The following KCNH8 variants were observed in gnomAD, a reference collection of about 807,000 sequenced individuals.
The protein encoded by KCNH8 is voltage-gated delayed rectifier potassium channel KCNH8.
Under a neutral mutation model 103.6 loss-of-function variants are expected in KCNH8, and 70 were observed. The observed-to-expected ratio is 0.68, with a 90% CI of 0.56 to 0.82. The LOEUF (loss-of-function observed/expected upper bound fraction) is 0.82, where lower values mean the gene tolerates loss of function less well. Among genes scored for constraint, KCNH8 ranks in the 40% least tolerant of loss-of-function variants. The pLI is 0.00. For missense variants in KCNH8, 1,217 were observed against 1,329.9 expected, an observed-to-expected ratio of 0.92 and a Z score of 1.32; for synonymous variants, 498 against 489.4, an observed-to-expected ratio of 1.02 and a Z score of -0.23.
chr3:19,389,784 T>C (rs918135449), intron 5 of KCNH8, among the ~76,000 whole-genome samples: 1 of 152,024 alleles, frequency 6.6e-6, no homozygotes, highest in Non-Finnish European at 1.5e-5. Flanking sequence ...TGTGCCAGTA[T>C]GCCCAGCTAA....
At chr3:19,209,503 A>AT (rs1257833455) in intron 1 of KCNH8, among the ~76,000 whole-genome samples, 2 of 152,002 alleles carry the variant, frequency 1.3e-5, no homozygotes, top group Non-Finnish European at 2.9e-5. Context: ...AGTCTTTGGG[A>AT]TTTTCGTAGG....
chr3:19,406,544 G>A (rs1306068793), intron 7 of KCNH8, among the ~76,000 whole-genome samples: 1 of 152,034 alleles, frequency 6.6e-6, no homozygotes, highest in Non-Finnish European at 1.5e-5. Flanking sequence ...TAAGACTTCT[G>A]TCATTTGGGC....
chr3:19,520,804 C>T (rs927785761), intron 15 of KCNH8, among the ~76,000 whole-genome samples: 11 of 151,868 alleles, frequency 7.2e-5, no homozygotes, highest in East Asian at 3.9e-4. Context: ...GGTGTCAGAG[C>T]GCTGCAGAAT....
chr3:19,157,945 C>T (rs1392871578), intron 1 of KCNH8, among the ~76,000 whole-genome samples: 1 of 151,586 alleles, frequency 6.6e-6, no homozygotes, highest in Admixed American at 6.6e-5. Context: ...ATAAATTTCC[C>T]TGTTATGATA....
intron 7 of KCNH8, among the ~76,000 whole-genome samples, chr3:19,413,840 G>A (rs2066821563): frequency 6.6e-6 from 1 of 152,034 alleles, no homozygotes; most frequent in Admixed American, 6.6e-5. Context: ...TCTTGTTGCA[G>A]CCTTTCACAT....
intron 8 of KCNH8, among the ~76,000 whole-genome samples, chr3:19,442,019 G>A (rs899996284): frequency 6.6e-6 from 1 of 152,186 alleles, no homozygotes; most frequent in Non-Finnish European, 1.5e-5. Context: ...AGGAAGTTCA[G>A]AAGCAGTGAG....
intron 1 of KCNH8, among the ~76,000 whole-genome samples, chr3:19,212,435 C>T (rs965666956): frequency 2.0e-5 from 3 of 152,134 alleles, no homozygotes; most frequent in Non-Finnish European, 4.4e-5. Flanking sequence ...GGTTGATGTC[C>T]TCTTTGGCCT....
chr3:19,251,785 C>T (rs1237404877), intron 1 of KCNH8, among the ~76,000 whole-genome samples: 1 of 151,982 alleles, frequency 6.6e-6, no homozygotes, highest in Non-Finnish European at 1.5e-5. Flanking sequence ...AGTGTTTTCC[C>T]ACCTCTGCCT....
chr3:19,197,747 G>A (rs11918147), intron 1 of KCNH8, among the ~76,000 whole-genome samples: 9,762 of 151,560 alleles, frequency 0.064, 1,101 homozygotes, highest in African/African-American at 0.22. Context: ...AATACATGTC[G>A]AGTCCTTACA....
intron 7 of KCNH8, among the ~76,000 whole-genome samples, chr3:19,404,498 A>G (rs1455832859): frequency 7.9e-5 from 12 of 151,898 alleles, no homozygotes; most frequent in East Asian, 5.8e-4. Flanking sequence ...TATGACTTCA[A>G]TCACTGTTTT....
At chr3:19,288,183 T>TC (rs2064862205) in intron 3 of KCNH8, among the ~76,000 whole-genome samples, 2 of 125,272 alleles carry the variant, frequency 1.6e-5, no homozygotes, top group Admixed American at 7.8e-5. Flanking sequence ...TCAAACTTCT[T>TC]TTTTTTTTTT....
At chr3:19,325,890 A>G (rs951770360) in intron 3 of KCNH8, among the ~76,000 whole-genome samples, 1 of 152,194 alleles carries the variant, frequency 6.6e-6, no homozygotes, top group African/African-American at 2.4e-5. Flanking sequence ...ATGCACATGT[A>G]TGTTCATTGA....
intron 11 of KCNH8, among the ~76,000 whole-genome samples, chr3:19,470,455 A>T (rs1292579522): frequency 6.6e-6 from 1 of 152,196 alleles, no homozygotes; most frequent in East Asian, 1.9e-4. Context: ...CTCAGACATC[A>T]GCTCTTCAAT....
chr3:19,448,727 G>T (rs906006794), intron 8 of KCNH8, among the ~76,000 whole-genome samples: 7 of 152,132 alleles, frequency 4.6e-5, no homozygotes, highest in Middle Eastern at 3.4e-3. Context: ...CATTTTGATA[G>T]ATCCTAATAG....
Position 19,450,203 on chromosome 3 carries a change from A to C in KCNH8, c.1473A>C (p.Lys491Asn). Residue 491 changes from lysine (K) to asparagine (N), a missense_variant, in exon 9 of 16, where the codon AAA (lysine) becomes AAC (asparagine). Transcript: ENST00000328405. ...SLYHTRTKDL[K>N]DFIRVHHLPQ... ...ATCACACTAGAACTAAGGATCTGAA[A>C]GATTTCATCCGTGTCCATCACTTGC... 1 of 1,613,726 alleles carries C rather than the reference A, an allele frequency of 6.2e-7. No homozygotes were observed. The highest frequency in any genetic ancestry group is 8.5e-7 in the Non-Finnish European group (1 of 1,179,772).
At chr3:19,265,352 C>T (rs2064493055) in intron 2 of KCNH8, among the ~76,000 whole-genome samples, 2 of 152,088 alleles carry the variant, frequency 1.3e-5, no homozygotes, top group East Asian at 3.9e-4. Context: ...CTAAAAATTT[C>T]AAGACAGCAC....
intron 7 of KCNH8, among the ~76,000 whole-genome samples, chr3:19,407,895 C>T (rs987328161): frequency 2.6e-5 from 4 of 152,112 alleles, no homozygotes; most frequent in African/African-American, 9.7e-5. Flanking sequence ...CATGTAGGCA[C>T]ACTTCTGGGT....
chr3:19,471,895 A>G (rs1320517158), intron 11 of KCNH8, among the ~76,000 whole-genome samples: 4 of 152,210 alleles, frequency 2.6e-5, no homozygotes, highest in African/African-American at 9.6e-5. Context: ...TGGGAGAATC[A>G]GCTTCATGAG....
intron 2 of KCNH8, among the ~76,000 whole-genome samples, chr3:19,258,945 C>CTATATA (rs1165506732): frequency 1.2e-3 from 49 of 42,244 alleles, no homozygotes; most frequent in Non-Finnish European, 1.2e-3. Context: ...CTCTCTCTCT[C>CTATATA]TCTATATATA....
Sources: gnomAD v4.1 joint callset for allele counts (sites outside exome capture counted in the v4.1 genomes callset) on GRCh38, gnomAD v4.1.1 for gene constraint, MANE v1.5 for transcripts, NCBI Gene and HGNC (gene_info 2026-07-23, HGNC 2026-07-21) for gene names.